The following MCM8 variants were observed in gnomAD, a reference collection of about 807,000 sequenced individuals.
MCM8 encodes DNA helicase MCM8.
A neutral mutation model predicts 98.9 loss-of-function variants in MCM8; 85 were observed. The observed-to-expected ratio is 0.86, with a 90% CI of 0.72 to 1.03. The LOEUF (loss-of-function observed/expected upper bound fraction) is 1.03, where lower values mean the gene tolerates loss of function less well. Ranked by LOEUF, MCM8 falls within the 50% of genes least tolerant of loss-of-function variation. MCM8 has a pLI of 0.00. For synonymous variants in MCM8, 352 were observed against 338.6 expected (o/e 1.04, Z -0.44); for missense variants, 951 against 997.8 (o/e 0.95, Z 0.63).
Position 5,967,683 on chromosome 20 carries a change from A to T in MCM8, c.1027+96A>T, listed in dbSNP as rs1206370166. On this transcript the variant is annotated intron_variant, in intron 9 of 18. Transcript: ENST00000610722. ...TCCTGAACCTCAAATAATTTGAGGAATTTCTTGTTGCTTACATAAGATGAA... is the reference window on the plus strand; with the variant it reads ...TCCTGAACCTCAAATAATTTGAGGATTTTCTTGTTGCTTACATAAGATGAA... 5.6e-6 allele frequency: 8 copies of T among 1,423,012 alleles called. No individual in the cohort carries two copies. The East Asian group carries it at 9.2e-5, about 16-fold the overall frequency. The allele number at this position is 1,423,012 out of a possible 1,614,324, so 88.1% of individuals were successfully genotyped here.
Position 5,952,262 on chromosome 20 carries a change from T to C in MCM8, c.148+99T>C. The C allele has an allele frequency of 2.6e-6, 4 of 1,566,062 alleles. No homozygotes were observed. In the South Asian group the frequency reaches 3.6e-5, roughly 14 times the overall value. ...ATCTCATACTTCAGTTTGTCTTTTA[T>C]TTCATGCTACTCCTTAGTAAGTATT... On this transcript the variant is annotated intron_variant, in intron 2 of 18. Coordinates refer to ENST00000610722, the MANE Select transcript of MCM8 (RefSeq NM_032485.6).
At chr20:5,973,006 A>C in intron 11 of MCM8, 50 bp from the exon 12 acceptor site, 1 of 1,593,026 alleles carries the variant, frequency 6.3e-7, no homozygotes, top group Non-Finnish European at 8.6e-7. Context: ...TTTACTAGTC[A>C]CCTTTATGTT....
intron 10 of MCM8, among the ~76,000 whole-genome samples, chr20:5,970,607 G>C (rs1344848870): frequency 1.3e-5 from 2 of 152,204 alleles, no homozygotes; most frequent in Non-Finnish European, 2.9e-5. Context: ...TTGGCAGACA[G>C]GTGCAGATGC....
rs1371208503 is a variant in MCM8 at position 5,952,106 on chromosome 20, T to A, written c.91T>A (p.Trp31Arg). The A allele has an allele frequency of 3.7e-6, 6 of 1,613,912 alleles. No individual in the cohort carries two copies. Among genetic ancestry groups the A allele is most frequent in the Non-Finnish European group, 5.1e-6 (6 of 1,179,962 alleles). The change falls in exon 2 of 19, where the codon TGG becomes AGG. Residue 31 changes from tryptophan (W) to arginine (R), a missense_variant. Physicochemically the swap from Trp to Arg is moderately radical, Grantham distance 101. Coordinates refer to ENST00000610722, the MANE Select transcript of MCM8 (RefSeq NM_032485.6). ...GRGGGNFSGK[W>R]REREHRPDLS... The stretch of plus-strand genomic sequence containing the variant: ...AGGTGGTGGGAACTTCTCAGGAAAA[T>A]GGAGAGAAAGAGAACACAGACCTGA...
chr20:5,976,185 A>T (rs185621027), intron 12 of MCM8, among the ~76,000 whole-genome samples: 316 of 152,248 alleles, frequency 2.1e-3, no homozygotes, highest in Non-Finnish European at 3.7e-3. Context: ...CCAGCTACTC[A>T]GGAGGCTGAA....
chr20:5,977,799 A>C (rs1302749981), intron 12 of MCM8, 77 bp from the exon 13 acceptor site: 4 of 1,516,554 alleles, frequency 2.6e-6, no homozygotes, highest in Non-Finnish European at 3.6e-6. Flanking sequence ...CATATACCTA[A>C]CGTTTGTGAG....
At chr20:5,971,260 AAC>A (rs1484035488) in intron 10 of MCM8, among the ~76,000 whole-genome samples, 2 of 152,320 alleles carry the variant, frequency 1.3e-5, no homozygotes, top group East Asian at 3.9e-4. Context: ...CATTAACATC[AAC>A]ACAGATTTTA....
At chr20:5,967,371 A>T in intron 8 of MCM8, 65 bp from the exon 9 acceptor site, 1 of 1,422,540 alleles carries the variant, frequency 7.0e-7, no homozygotes, top group Non-Finnish European at 9.7e-7. Flanking sequence ...AACCCTGAAT[A>T]GTTAATATCT....
intron 10 of MCM8, among the ~76,000 whole-genome samples, chr20:5,970,942 A>G (rs78912498): frequency 0.076 from 11,573 of 152,126 alleles, 552 homozygotes; most frequent in East Asian, 0.24. Context: ...ACAAGTAGCT[A>G]GGACTAAAGG....
intron 17 of MCM8, among the ~76,000 whole-genome samples, chr20:5,992,541 A>G (rs1171303932): frequency 6.6e-6 from 1 of 152,196 alleles, no homozygotes; most frequent in Non-Finnish European, 1.5e-5. Context: ...TCATCTTAAA[A>G]GAGATTATGC....
Position 5,952,523 on chromosome 20 carries a change from C to G in MCM8, c.248C>G (p.Ser83Cys), listed in dbSNP as rs202218207. ...IPYKGWKLYFSEVYSDSSPLI... is the reference protein window; with the variant it reads ...IPYKGWKLYFCEVYSDSSPLI... ...TATAAAGGCTGGAAGCTTTATTTCTCTGAAGGTAGGGTTTAAAAAGTACAA... is the reference window on the plus strand; with the variant it reads ...TATAAAGGCTGGAAGCTTTATTTCTGTGAAGGTAGGGTTTAAAAAGTACAA... The change falls in exon 3 of 19, where the codon TCT becomes TGT. Residue 83 changes from serine to cysteine, a missense_variant. Ser to Cys is a moderately radical substitution (Grantham distance 112). Coordinates refer to ENST00000610722, the MANE Select transcript of MCM8 (RefSeq NM_032485.6). The G allele has an allele frequency of 3.1e-6, 5 of 1,612,618 alleles. No homozygotes were observed. The highest frequency in any genetic ancestry group is 3.4e-6 in the Non-Finnish European group (4 of 1,179,142).
intron 12 of MCM8, 86 bp downstream of exon 12, chr20:5,973,282 G>A: frequency 1.3e-6 from 2 of 1,545,980 alleles, no homozygotes; most frequent in Non-Finnish European, 1.8e-6. Flanking sequence ...AGCATGTAGT[G>A]TGTGTGTTCC....
intron 13 of MCM8, among the ~76,000 whole-genome samples, chr20:5,980,368 G>T (rs2089605040): frequency 6.6e-6 from 1 of 152,048 alleles, no homozygotes; most frequent in South Asian, 2.1e-4. Flanking sequence ...CTAGAACATA[G>T]TACTGGTATA....
intron 10 of MCM8, 69 bp from the exon 11 acceptor site, chr20:5,971,938 G>T: frequency 7.3e-7 from 1 of 1,370,996 alleles, no homozygotes; most frequent in Non-Finnish European, 1.0e-6. Context: ...TAAACAAATT[G>T]TAGAGGAGAT....
chr20:5,994,646 C>A lies in MCM8; in HGVS notation c.*255C>A. On this transcript the variant is annotated 3_prime_UTR_variant, in exon 19 of 19. Coordinates refer to ENST00000610722, the MANE Select transcript of MCM8 (RefSeq NM_032485.6). The stretch of plus-strand genomic sequence containing the variant: ...CAGATGCAGTAGCTCACACTGTAAT[C>A]ACAGTGACTCAGGAGGCTGAGGTGA... 2.1e-6 allele frequency: 1 copy of A among 482,050 alleles called. No homozygotes were observed. The highest frequency in any genetic ancestry group is 3.8e-6 in the Non-Finnish European group (1 of 260,846). The allele number at this position is 482,050 out of a possible 1,614,324, so 29.9% of individuals were successfully genotyped here.
chr20:5,973,000 C>T, intron 11 of MCM8, 56 bp from the exon 12 acceptor site: 1 of 1,583,010 alleles, frequency 6.3e-7, no homozygotes. Flanking sequence ...ACCCCCTTTA[C>T]TAGTCACCTT....
At chr20:5,972,382 A>AT (rs2089422771) in intron 11 of MCM8, among the ~76,000 whole-genome samples, 1 of 151,160 alleles carries the variant, frequency 6.6e-6, no homozygotes, top group Non-Finnish European at 1.5e-5. Flanking sequence ...ATTTTTTTGT[A>AT]TTTTTTGTAG....
At chr20:5,984,034 T>C (rs2089682557) in intron 14 of MCM8, among the ~76,000 whole-genome samples, 1 of 152,230 alleles carries the variant, frequency 6.6e-6, no homozygotes, top group South Asian at 2.1e-4. Context: ...AACTTAAATA[T>C]GTGGTATGAT....
In MCM8 at chr20:5,984,967, A is replaced by G. The variant is rs748158006; in HGVS notation, c.1920A>G (p.Val640=). Residue 640 remains valine, a synonymous_variant, in exon 15 of 19, where the codon GTA becomes GTG. Transcript: ENST00000610722. The stretch of plus-strand genomic sequence containing the variant: ...ATTCAAATACTTCCGTACTTGAAGT[A>G]GTTTCTGAGAAGCCATTATCAGAAA... ...SQDSNTSVLE[V]VSEKPLSERL... 1 of 1,614,008 alleles carries G rather than the reference A, an allele frequency of 6.2e-7. No homozygotes were observed.
Sources: allele counts gnomAD v4.1 joint callset (sites outside exome capture counted in the v4.1 genomes callset), GRCh38; gene constraint gnomAD v4.1.1; transcripts MANE v1.5; gene names NCBI Gene and HGNC (gene_info 2026-07-23, HGNC 2026-07-21).